The following TRPS1 variants were observed in gnomAD, a reference collection of about 807,000 sequenced individuals.
TRPS1 encodes the protein transcriptional repressor GATA binding 1.
TRPS1 carries 6 observed loss-of-function variants against 101.2 expected under a neutral mutation model. The ratio of observed to expected loss-of-function variants is 0.06; its 90% CI spans 0.03 to 0.12. TRPS1 has a LOEUF of 0.12. Ranked by LOEUF, TRPS1 falls within the 10% of genes least tolerant of loss-of-function variation. TRPS1 has a pLI of 1.00. For synonymous variants in TRPS1, 578 were observed against 589.8 expected, an observed-to-expected ratio of 0.98 and a Z score of 0.29; for missense variants, 1,363 against 1,567.0, an observed-to-expected ratio of 0.87 and a Z score of 2.20.
In TRPS1 at chr8:115,567,860, A is replaced by G. The variant is rs1414590759; in HGVS notation, c.2700+19141T>C. Among the ~76,000 whole-genome samples, 20 of 152,066 alleles carry G rather than the reference A, an allele frequency of 1.3e-4. 1 individual carries two copies. Among genetic ancestry groups the G allele is most frequent in the Non-Finnish European group, 1.5e-5 (1 of 68,012 alleles). On this transcript the variant is annotated intron_variant, in intron 5 of 6. Coordinates refer to ENST00000395715, the MANE Select transcript of TRPS1 (RefSeq NM_014112.5). ...AGGGCGTCTGTGTAGTAGAGTCTAA[A>G]TCCTCTTTCAGCATTCATGATATAT...
chr8:115,421,197 C>T (rs910939898), intron 5 of TRPS1, among the ~76,000 whole-genome samples: 6 of 151,976 alleles, frequency 3.9e-5, no homozygotes, highest in African/African-American at 1.2e-4. Flanking sequence ...GTTGGTCAGG[C>T]TGGTCTCAAA....
intron 5 of TRPS1, among the ~76,000 whole-genome samples, chr8:115,522,652 C>T (rs1815894463): frequency 6.6e-6 from 1 of 151,966 alleles, no homozygotes; most frequent in Non-Finnish European, 1.5e-5. Flanking sequence ...AGTTGATAGA[C>T]TTATTCATAA....
At chr8:115,520,054 A>G (rs899930864) in intron 5 of TRPS1, among the ~76,000 whole-genome samples, 5 of 151,714 alleles carry the variant, frequency 3.3e-5, no homozygotes, top group African/African-American at 1.2e-4. Context: ...ATTCATATAC[A>G]TACCTCTTCA....
In TRPS1 at chr8:115,414,253, C is replaced by A. The variant is rs1314268744; in HGVS notation, c.3655G>T (p.Asp1219Tyr). Residue 1219 changes from aspartate (D) to tyrosine (Y), a missense_variant, in exon 7 of 7, where the codon GAT becomes TAT. By Grantham distance (160) the Asp-to-Tyr change is radical. Around this residue, in one of 5 missense-constraint regions of TRPS1, gnomAD observed 307 missense variants for 392.4 expected, o/e 0.78. Transcript: ENST00000395715. The surrounding 1 kb of genome is among the most constrained non-coding windows in gnomAD (Gnocchi z 4.8). ...GAAAGTTCATCTTGAGTACTTCTATCAACTTTCTCTGTTTTTACTACATTC... is the reference window on the plus strand; with the variant it reads ...GAAAGTTCATCTTGAGTACTTCTATAAACTTTCTCTGTTTTTACTACATTC... ...PLNVVKTEKV[D>Y]RSTQDELSTK... The A allele has an allele frequency of 6.2e-7, 1 of 1,613,884 alleles. No individual in the cohort carries two copies. The highest frequency in any genetic ancestry group is 8.5e-7 in the Non-Finnish European group (1 of 1,179,960).
intron 5 of TRPS1, among the ~76,000 whole-genome samples, chr8:115,484,198 T>C (rs1465552767): frequency 6.6e-6 from 1 of 152,042 alleles, no homozygotes; most frequent in African/African-American, 2.4e-5. Flanking sequence ...CTAGAAAATC[T>C]AAACATTCCT....
chr8:115,485,596 G>A (rs1814859632), intron 5 of TRPS1, among the ~76,000 whole-genome samples: 1 of 151,992 alleles, frequency 6.6e-6, no homozygotes, highest in Non-Finnish European at 1.5e-5. Flanking sequence ...TACTATATAT[G>A]TTGCCTATAT....
At chr8:115,501,535 T>C (rs1472676465) in intron 5 of TRPS1, among the ~76,000 whole-genome samples, 1 of 152,158 alleles carries the variant, frequency 6.6e-6, no homozygotes, top group Non-Finnish European at 1.5e-5. Context: ...TCTACACCCA[T>C]ATTTTCACCA....
intron 5 of TRPS1, among the ~76,000 whole-genome samples, chr8:115,574,213 A>G (rs922071427): frequency 3.9e-5 from 6 of 152,228 alleles, no homozygotes; most frequent in African/African-American, 1.4e-4. Flanking sequence ...TTTAGAGACC[A>G]GTATATCAGG....
chr8:115,477,841 C>G (rs1047732685), intron 5 of TRPS1, among the ~76,000 whole-genome samples: 2 of 151,816 alleles, frequency 1.3e-5, no homozygotes, highest in African/African-American at 4.8e-5. Flanking sequence ...ATGTCAATAG[C>G]TAGATCCATC....
Position 115,623,726 on chromosome 8 carries a change from C to A in TRPS1, c.-89G>T. 1 of 1,558,698 alleles carries A rather than the reference C, an allele frequency of 6.4e-7. No individual in the cohort carries two copies. The highest frequency in any genetic ancestry group is 8.7e-7 in the Non-Finnish European group (1 of 1,151,610). On this transcript the variant is annotated 5_prime_UTR_variant, in exon 2 of 7. Transcript: ENST00000395715. ...ATTGTCTTAGAAGACGCTCAGAAGACACAGAAGACATTTTGAGAGCTGATC... is the reference window on the plus strand; with the variant it reads ...ATTGTCTTAGAAGACGCTCAGAAGAAACAGAAGACATTTTGAGAGCTGATC...
chr8:115,663,531 TA>T (rs1203841901), intron 1 of TRPS1, among the ~76,000 whole-genome samples: 1 of 151,952 alleles, frequency 6.6e-6, no homozygotes, highest in Non-Finnish European at 1.5e-5. Flanking sequence ...TTTTTGTTAT[TA>T]TTTTTAGTGA....
At chr8:115,493,096 C>T (rs527847055) in intron 5 of TRPS1, among the ~76,000 whole-genome samples, 21 of 152,208 alleles carry the variant, frequency 1.4e-4, no homozygotes, top group East Asian at 9.7e-4. Flanking sequence ...CTTCTTGAAG[C>T]GCATTAGGCC....
intron 5 of TRPS1, among the ~76,000 whole-genome samples, chr8:115,423,201 G>A (rs1813110475): frequency 6.6e-6 from 1 of 152,188 alleles, no homozygotes; most frequent in African/African-American, 2.4e-5. Context: ...TCAACAATTC[G>A]AGAAAATGAT....
intron 5 of TRPS1, among the ~76,000 whole-genome samples, chr8:115,461,294 TAGATAG>T (rs1563747811): frequency 2.0e-3 from 65 of 33,116 alleles, no homozygotes; most frequent in South Asian, 6.9e-3. Flanking sequence ...GATAGATAGA[TAGATAG>T]ACAGATACAT....
intron 1 of TRPS1, among the ~76,000 whole-genome samples, chr8:115,653,134 CTCAAAG>C (rs1240796407): frequency 1.7e-4 from 26 of 152,194 alleles, no homozygotes; most frequent in African/African-American, 5.8e-4. Flanking sequence ...GTTCCAATCT[CTCAAAG>C]TCAAAGAAGA....
chr8:115,537,802 C>T (rs1263700945), intron 5 of TRPS1, among the ~76,000 whole-genome samples: 1 of 152,190 alleles, frequency 6.6e-6, no homozygotes, highest in Admixed American at 6.5e-5. Context: ...AGTTGGACTT[C>T]GAGCAACTTA....
intron 4 of TRPS1, among the ~76,000 whole-genome samples, chr8:115,591,576 C>T (rs974103530): frequency 2.0e-5 from 3 of 152,126 alleles, no homozygotes; most frequent in African/African-American, 7.2e-5. Context: ...TGACTCCTGG[C>T]ATGTCTCAGC....
rs373516211 is a variant in TRPS1 at position 115,414,063 on chromosome 8, T to C, written c.3845A>G (p.Asn1282Ser). 1.8e-5 allele frequency: 29 copies of C among 1,613,838 alleles called. No homozygotes were observed. The highest frequency in any genetic ancestry group is 2.3e-5 in the Non-Finnish European group (27 of 1,179,810). ...TTHIQRGLHR[N>S]NAQVEKNGKP... The stretch of plus-strand genomic sequence containing the variant: ...TCCATTTTTTTCCACTTGTGCATTG[T>C]TCCTATGCAGGCCCCTCTGGATATG... The change falls in exon 7 of 7, where the codon AAC (asparagine) becomes AGC (serine). Residue 1282 changes from asparagine (N) to serine (S), a missense_variant. Around this residue, in one of 5 missense-constraint regions of TRPS1, gnomAD observed 307 missense variants for 392.4 expected, o/e 0.78. Coordinates refer to ENST00000395715, the MANE Select transcript of TRPS1 (RefSeq NM_014112.5). The surrounding 1 kb of genome is among the most constrained non-coding windows in gnomAD (Gnocchi z 4.8).
chr8:115,558,043 T>C (rs1816864502), intron 5 of TRPS1, among the ~76,000 whole-genome samples: 1 of 151,716 alleles, frequency 6.6e-6, no homozygotes, highest in African/African-American at 2.4e-5. Flanking sequence ...AGTAACCAGA[T>C]TTCTAATTAC....
Sources: allele counts gnomAD v4.1 joint callset (sites outside exome capture counted in the v4.1 genomes callset), GRCh38; gene constraint gnomAD v4.1.1; regional missense constraint gnomAD v4.1.1; non-coding constraint Gnocchi (gnomAD v3.1); transcripts MANE v1.5; gene names NCBI Gene and HGNC (gene_info 2026-07-23, HGNC 2026-07-21).